The following KCNQ4 variants were observed in gnomAD, a reference collection of about 807,000 sequenced individuals.
KCNQ4 encodes the protein potassium voltage-gated channel subfamily KQT member 4.
Under a neutral mutation model 72.6 loss-of-function variants are expected in KCNQ4, and 31 were observed. The observed-to-expected ratio is 0.43, with a 90% CI of 0.32 to 0.58. KCNQ4 has a LOEUF of 0.58. KCNQ4 is among the 20% of genes least tolerant of loss of function. The pLI, the probability that KCNQ4 is intolerant of heterozygous loss-of-function variation, is 0.08. For synonymous variants in KCNQ4, 405 were observed against 403.7 expected (o/e 1.00, Z -0.04); for missense variants, 869 against 962.6 (o/e 0.90, Z 1.29).
chr1:40,820,669 C>T (rs1648261284), intron 7 of KCNQ4, among the ~76,000 whole-genome samples: 1 of 152,192 alleles, frequency 6.6e-6, no homozygotes, highest in Non-Finnish European at 1.5e-5. Context: ...AGCACTCACA[C>T]AAATGAAGAG....
At chr1:40,815,686 G>T (rs1056322090) in intron 1 of KCNQ4, among the ~76,000 whole-genome samples, 1 of 152,090 alleles carries the variant, frequency 6.6e-6, no homozygotes. Flanking sequence ...TCAAACCAGG[G>T]GTATTTGCTG....
intron 1 of KCNQ4, among the ~76,000 whole-genome samples, chr1:40,816,022 T>A (rs569209454): frequency 6.7e-6 from 1 of 148,296 alleles, no homozygotes; most frequent in East Asian, 2.0e-4. Context: ...GATAGTGGGG[T>A]GCGGGAATCA....
At chr1:40,814,199 G>A (rs1036825695) in intron 1 of KCNQ4, among the ~76,000 whole-genome samples, 2 of 151,384 alleles carry the variant, frequency 1.3e-5, no homozygotes, top group African/African-American at 2.4e-5. Context: ...GATTACAGGC[G>A]CCTACCAACA....
chr1:40,791,652 C>T (rs79565239), intron 1 of KCNQ4, among the ~76,000 whole-genome samples: 11 of 152,244 alleles, frequency 7.2e-5, no homozygotes, highest in Non-Finnish European at 1.5e-4. Flanking sequence ...CCTCACCCCA[C>T]GGAGATTTGG....
chr1:40,834,650 C>T (rs768212484), intron 11 of KCNQ4, among the ~76,000 whole-genome samples: 1 of 151,974 alleles, frequency 6.6e-6, no homozygotes, highest in Non-Finnish European at 1.5e-5. Flanking sequence ...GTCCCATTGC[C>T]CAGTCTCTGC....
At chr1:40,793,666 C>T (rs552727184) in intron 1 of KCNQ4, among the ~76,000 whole-genome samples, 1 of 152,338 alleles carries the variant, frequency 6.6e-6, no homozygotes, top group Admixed American at 6.5e-5. Flanking sequence ...TCCACACAAG[C>T]ATCCTTTGCT....
chr1:40,790,922 G>C (rs1162853035), intron 1 of KCNQ4, among the ~76,000 whole-genome samples: 1 of 152,178 alleles, frequency 6.6e-6, no homozygotes, highest in Non-Finnish European at 1.5e-5. Flanking sequence ...GTGAGTTATG[G>C]GGAGGACGGT....
intron 9 of KCNQ4, among the ~76,000 whole-genome samples, chr1:40,824,987 C>T (rs143794895): frequency 2.0e-5 from 3 of 152,254 alleles, no homozygotes; most frequent in Admixed American, 1.3e-4. Flanking sequence ...GAAAGAAGAA[C>T]AAAGAACAAA....
At chr1:40,812,355 C>T (rs1430646028) in intron 1 of KCNQ4, among the ~76,000 whole-genome samples, 1 of 152,202 alleles carries the variant, frequency 6.6e-6, no homozygotes, top group Non-Finnish European at 1.5e-5. Flanking sequence ...CTCCCTGGCT[C>T]AAGCGATCTT....
At position 40,818,684 on chromosome 1, in the gene KCNQ4, A is replaced by T; in HGVS notation, c.708+4A>T. 6.3e-7 allele frequency: 1 copy of T among 1,594,486 alleles called. No individual in the cohort carries two copies. Among genetic ancestry groups the T allele is most frequent in the Non-Finnish European group, 8.5e-7 (1 of 1,174,362 alleles). On this transcript the variant is annotated splice_donor_region_variant and intron_variant, in intron 4 of 13. Coordinates refer to ENST00000347132, the MANE Select transcript of KCNQ4 (RefSeq NM_004700.4). ...AGTGGTCTACGCGCATAGCAAGGTGAGGCCTGCAAGCCGCGCGCGGAGACC... is the reference window on the plus strand; with the variant it reads ...AGTGGTCTACGCGCATAGCAAGGTGTGGCCTGCAAGCCGCGCGCGGAGACC...
intron 1 of KCNQ4, among the ~76,000 whole-genome samples, chr1:40,797,767 C>T (rs903959634): frequency 3.3e-5 from 5 of 152,242 alleles, no homozygotes; most frequent in Non-Finnish European, 7.4e-5. Flanking sequence ...GGGCCTGGCT[C>T]AACCTGACCC....
intron 4 of KCNQ4, chr1:40,818,892 C>T (rs1648189117): frequency 3.2e-6 from 2 of 618,656 alleles, no homozygotes; most frequent in Non-Finnish European, 5.8e-6. Context: ...GAGTCCGGAC[C>T]GGATCAGGGG....
chr1:40,838,753 G>T lies in KCNQ4; in HGVS notation c.*230G>T. On this transcript the variant is annotated 3_prime_UTR_variant, in exon 14 of 14. Transcript: ENST00000347132. ...AGGTCGCACAGAGGGCAGCAGCAGC[G>T]GCCGTCCCGCGGCCTCTGGGCCCCC... 1.7e-6 allele frequency: 1 copy of T among 600,550 alleles called. No individual in the cohort carries two copies. The highest frequency in any genetic ancestry group is 3.0e-6 in the Non-Finnish European group (1 of 334,822). 37.2% of individuals were successfully genotyped at this position (600,550 alleles called of 1,614,324 possible). A position where few individuals can be genotyped will look rare whatever the true frequency, so the allele number is the denominator to read the frequency against.
chr1:40,830,634 G>A (rs1570846821), intron 9 of KCNQ4, among the ~76,000 whole-genome samples: 1 of 152,232 alleles, frequency 6.6e-6, no homozygotes, highest in South Asian at 2.1e-4. Context: ...GTACAGTGAG[G>A]ACTGGAGGCC....
intron 1 of KCNQ4, among the ~76,000 whole-genome samples, chr1:40,807,346 A>G (rs962810123): frequency 6.6e-6 from 1 of 152,146 alleles, no homozygotes; most frequent in East Asian, 1.9e-4. Context: ...GCAGACAGGG[A>G]AACTGAGGCT....
At chr1:40,824,933 C>T (rs1648432543) in intron 9 of KCNQ4, among the ~76,000 whole-genome samples, 1 of 152,240 alleles carries the variant, frequency 6.6e-6, no homozygotes, top group Non-Finnish European at 1.5e-5. Flanking sequence ...CCAGCCATCT[C>T]TTTCCCCTTG....
intron 10 of KCNQ4, 22 bp from the exon 11 acceptor site, chr1:40,832,992 T>C: frequency 6.3e-7 from 1 of 1,595,910 alleles, no homozygotes; most frequent in Non-Finnish European, 8.6e-7. Context: ...GTGGGCCACT[T>C]GCCCCATACC....
intron 1 of KCNQ4, among the ~76,000 whole-genome samples, chr1:40,811,957 T>C (rs1378825094): frequency 2.6e-5 from 4 of 152,142 alleles, no homozygotes; most frequent in African/African-American, 9.7e-5. Context: ...AGAAAGTCCT[T>C]TGTTGGATGA....
intron 1 of KCNQ4, among the ~76,000 whole-genome samples, chr1:40,809,406 CCTCT>C (rs369365077): frequency 6.6e-6 from 1 of 151,700 alleles, no homozygotes; most frequent in South Asian, 2.1e-4. Flanking sequence ...TGCCCATAGC[CCTCT>C]CTCTCTCTCA....
Sources: gnomAD v4.1 joint callset for allele counts (sites outside exome capture counted in the v4.1 genomes callset) on GRCh38, gnomAD v4.1.1 for gene constraint, MANE v1.5 for transcripts, NCBI Gene and HGNC (gene_info 2026-07-23, HGNC 2026-07-21) for gene names.